STOX2: variants seen among roughly 807,000 people sequenced by gnomAD.
STOX2 encodes storkhead-box protein 2.
STOX2 carries 28 observed loss-of-function variants against 60.9 expected under a neutral mutation model. That is an observed-to-expected ratio of 0.46 (90% confidence interval 0.34 to 0.63). STOX2 has a LOEUF of 0.63. Ranked by LOEUF, STOX2 falls within the 30% of genes least tolerant of loss-of-function variation. The probability of loss-of-function intolerance (pLI) is 0.01; values close to 1 mark genes in which losing one functional copy is unlikely to be tolerated. For synonymous variants in STOX2, 472 were observed against 463.9 expected (o/e 1.02, Z -0.22); for missense variants, 1,024 against 1,187.7 (o/e 0.86, Z 2.03).
Position 183,862,787 on chromosome 4 carries a change from C to G in STOX2, c.364+64732C>G, listed in dbSNP as rs115793400. On this transcript the variant is annotated intron_variant, in intron 1 of 2. Coordinates refer to the STOX2 transcript ENST00000513034. ...AAGGAAACTCAGAAGAGGGAGGGAT[C>G]GCGCCCCACCACCTCTCTCTAACGG... 9.3e-3 allele frequency among the ~76,000 whole-genome samples: 1,419 copies of G among 152,294 alleles called. 24 individuals carry two copies. The highest frequency in any genetic ancestry group is 0.033 in the African/African-American group (1,359 of 41,544).
chr4:184,005,225 C>T (rs1050130966), intron 2 of STOX2, among the ~76,000 whole-genome samples: 1 of 151,996 alleles, frequency 6.6e-6, no homozygotes, highest in South Asian at 2.1e-4. Context: ...TTTGGGAGGC[C>T]GAGGTGGGCG....
At position 183,970,139 on chromosome 4, in the gene STOX2, C is replaced by CGTGTGTGTGTGTGT. The variant is rs3042606; in HGVS notation, c.167-31156_167-31143dup. ...CAATCTCAGTCTATAACTACATGTA[C>CGTGTGTGTGTGTGT]GTGTGTGTGTGTGTGTGTGTGTGTG... On this transcript the variant is annotated intron_variant, in intron 1 of 3. Coordinates refer to ENST00000308497, the MANE Select transcript of STOX2 (RefSeq NM_020225.3). Among the ~76,000 whole-genome samples, 239 of 126,976 alleles carry CGTGTGTGTGTGTGT rather than the reference C, an allele frequency of 1.9e-3. 3 individuals carry two copies. Among genetic ancestry groups the CGTGTGTGTGTGTGT allele is most frequent in the African/African-American group, 6.2e-3 (185 of 29,798 alleles). 83.3% of individuals were successfully genotyped at this position (126,976 alleles called of 152,430 possible). A position where few individuals can be genotyped will look rare whatever the true frequency, so the allele number is the denominator to read the frequency against.
intron 1 of STOX2, among the ~76,000 whole-genome samples, chr4:183,881,891 C>T (rs1740968633): frequency 6.6e-6 from 1 of 152,142 alleles, no homozygotes; most frequent in Admixed American, 6.5e-5. Flanking sequence ...GGGTATTCTC[C>T]ATTCTAGAAG....
At chr4:183,903,547 C>T (rs916103437), upstream of STOX2, among the ~76,000 whole-genome samples, 2 of 152,192 alleles carry the variant, frequency 1.3e-5, no homozygotes, top group Admixed American at 1.3e-4. Context: ...TTGCCCAGCA[C>T]CCATCCCAGG....
At position 183,906,067 on chromosome 4, in the gene STOX2, C is replaced by G. The variant is rs1419856390; in HGVS notation, c.-724C>G. ...TTCCTGGATTCCGCAGGAGCCCGCC[C>G]GCCGCAGCTGCTGTCTGCAGAGCCT... On this transcript the variant is annotated 5_prime_UTR_variant, in exon 1 of 4. Coordinates refer to ENST00000308497, the MANE Select transcript of STOX2 (RefSeq NM_020225.3). The G allele has an allele frequency of 6.6e-6, 1 of 152,226 alleles. No homozygotes were observed. Among genetic ancestry groups the G allele is most frequent in the Non-Finnish European group, 1.5e-5 (1 of 68,064 alleles). 9.4% of individuals were successfully genotyped at this position (152,226 alleles called of 1,614,324 possible). A position where few individuals can be genotyped will look rare whatever the true frequency, so the allele number is the denominator to read the frequency against.
chr4:183,985,592 G>T (rs956582888), intron 1 of STOX2, among the ~76,000 whole-genome samples: 2 of 152,084 alleles, frequency 1.3e-5, no homozygotes, highest in African/African-American at 4.8e-5. Flanking sequence ...ATGAAAACAT[G>T]CATGCTTGGA....
rs183077528 is a variant in STOX2, at chr4:183,880,227, G to A, written c.364+82172G>A. 6.9e-4 allele frequency among the ~76,000 whole-genome samples: 105 copies of A among 152,112 alleles called. No homozygotes were observed. In the East Asian group the frequency reaches 0.015, roughly 21 times the overall value. On this transcript the variant is annotated intron_variant, in intron 1 of 2. Transcript: ENST00000513034. ...TCGAACTCCTGACCTCAGGTGATCC[G>A]CCCGCCTTGGCCTCCCAAAGTGCTG...
intron 1 of STOX2, among the ~76,000 whole-genome samples, chr4:183,817,325 C>T (rs1739176125): frequency 6.6e-6 from 1 of 152,202 alleles, no homozygotes; most frequent in African/African-American, 2.4e-5. Context: ...GTGCCACACA[C>T]CCGGAGGCGT....
chr4:183,883,097 G>A (rs1740992958), intron 1 of STOX2, among the ~76,000 whole-genome samples: 1 of 151,788 alleles, frequency 6.6e-6, no homozygotes, highest in African/African-American at 2.4e-5. Flanking sequence ...CTTCAGCAAT[G>A]TCATCATGTT....
rs549713185 is a variant in STOX2, at chr4:184,001,663, A to C, written c.319+186A>C. On this transcript the variant is annotated intron_variant, in intron 2 of 3. Transcript: ENST00000308497. The surrounding 1 kb of genome is among the most constrained non-coding windows in gnomAD (Gnocchi z 4.2). ...CCTGCATGACATCAAAAAATAACTT[A>C]ACTGCTTCAGCTGTAATACTTTTTA... 6.6e-6 allele frequency among the ~76,000 whole-genome samples: 1 copy of C among 152,270 alleles called. No homozygotes were observed. The highest frequency in any genetic ancestry group is 2.1e-4 in the South Asian group (1 of 4,816).
chr4:183,901,831 A>G (rs1227005807), upstream of STOX2, among the ~76,000 whole-genome samples: 1 of 152,130 alleles, frequency 6.6e-6, no homozygotes, highest in Non-Finnish European at 1.5e-5. Flanking sequence ...TACTCTGGAT[A>G]TCAATCCCTT....
At chr4:184,003,689 T>C (rs1733689466) in intron 2 of STOX2, among the ~76,000 whole-genome samples, 1 of 152,244 alleles carries the variant, frequency 6.6e-6, no homozygotes, top group Non-Finnish European at 1.5e-5. Flanking sequence ...TGGCTCCTTA[T>C]GCGATAGTGG....
chr4:183,974,619 C>T (rs182642476), intron 1 of STOX2, among the ~76,000 whole-genome samples: 4 of 151,836 alleles, frequency 2.6e-5, no homozygotes, highest in Non-Finnish European at 5.9e-5. Flanking sequence ...TAAAGAAGAA[C>T]ATTACATAAA....
intron 1 of STOX2, among the ~76,000 whole-genome samples, chr4:183,959,701 G>T (rs1180909612): frequency 6.6e-6 from 1 of 152,166 alleles, no homozygotes; most frequent in Non-Finnish European, 1.5e-5. Context: ...AATATTGAAA[G>T]AACATTTTGA....
At chr4:184,002,615 G>T (rs1219458451) in intron 2 of STOX2, among the ~76,000 whole-genome samples, 1 of 152,146 alleles carries the variant, frequency 6.6e-6, no homozygotes. Context: ...TTCACTTGCG[G>T]GATGGCAGAG....
Position 183,836,800 on chromosome 4 carries a change from G to A in STOX2, c.364+38745G>A, listed in dbSNP as rs1739722583. The stretch of plus-strand genomic sequence containing the variant: ...TGGAAATCTCCTAGTTGGCTCAGTG[G>A]AACTACAAAACTTCACTTAGGGACA... On this transcript the variant is annotated intron_variant, in intron 1 of 2. Coordinates refer to the STOX2 transcript ENST00000513034. The surrounding 1 kb of genome is among the most constrained non-coding windows in gnomAD (Gnocchi z 4.1). 6.6e-6 allele frequency among the ~76,000 whole-genome samples: 1 copy of A among 152,208 alleles called. No homozygotes were observed. Among genetic ancestry groups the A allele is most frequent in the Non-Finnish European group, 1.5e-5 (1 of 68,038 alleles).
At chr4:183,811,310 A>T (rs1026905908) in intron 1 of STOX2, among the ~76,000 whole-genome samples, 6 of 152,210 alleles carry the variant, frequency 3.9e-5, no homozygotes, top group African/African-American at 9.7e-5. Context: ...TAGATCCAGA[A>T]TTCAAAAGCA....
intron 1 of STOX2, chr4:183,798,925 A>AC: frequency 2.4e-6 from 1 of 419,690 alleles, no homozygotes; most frequent in Non-Finnish European, 3.2e-6. Flanking sequence ...ATTACATAGT[A>AC]AATAGTAAAG....
At chr4:183,917,231 G>C (rs1035891754) in intron 1 of STOX2, among the ~76,000 whole-genome samples, 1 of 152,198 alleles carries the variant, frequency 6.6e-6, no homozygotes, top group Non-Finnish European at 1.5e-5. Flanking sequence ...ATGCCCCAGG[G>C]GTTGATGGAA....
Sources: allele counts gnomAD v4.1 joint callset (sites outside exome capture counted in the v4.1 genomes callset), GRCh38; gene constraint gnomAD v4.1.1; non-coding constraint Gnocchi (gnomAD v3.1); transcripts MANE v1.5; gene names NCBI Gene and HGNC (gene_info 2026-07-23, HGNC 2026-07-21).